TGFBR3: variants seen among roughly 807,000 people sequenced by gnomAD.
TGFBR3 encodes transforming growth factor beta receptor 3.
TGFBR3 carries 46 observed loss-of-function variants against 87.9 expected under a neutral mutation model. The ratio of observed to expected loss-of-function variants is 0.52; its 90% confidence interval spans 0.41 to 0.67. TGFBR3 has a LOEUF of 0.67. Ranked by LOEUF, TGFBR3 falls within the 30% of genes least tolerant of loss-of-function variation. The pLI, the probability that TGFBR3 is intolerant of heterozygous loss-of-function variation, is 0.00. For synonymous variants in TGFBR3, 381 were observed against 391.6 expected (o/e 0.97, Z 0.32); for missense variants, 866 against 1,041.9 (o/e 0.83, Z 2.32).
intron 2 of TGFBR3, among the ~76,000 whole-genome samples, chr1:91,810,403 C>T (rs1271643404): frequency 6.6e-6 from 1 of 152,174 alleles, no homozygotes; most frequent in Non-Finnish European, 1.5e-5. Context: ...TCAGAGGTCC[C>T]TTAAACTGTT....
chr1:91,696,258 T>C (rs551099540), intron 15 of TGFBR3, among the ~76,000 whole-genome samples: 3 of 152,224 alleles, frequency 2.0e-5, no homozygotes, highest in Non-Finnish European at 4.4e-5. Flanking sequence ...ATACACATAT[T>C]TTTGTGAACA....
chr1:91,771,881 C>A (rs1055682254), intron 3 of TGFBR3, among the ~76,000 whole-genome samples: 3 of 151,838 alleles, frequency 2.0e-5, no homozygotes, highest in African/African-American at 7.3e-5. Flanking sequence ...TTGATGGGGG[C>A]AGAGGGACAG....
At chr1:91,835,827 CAAAAAAAAAAAAAAAA>C (rs57326419) in intron 2 of TGFBR3, among the ~76,000 whole-genome samples, 6 of 74,774 alleles carry the variant, frequency 8.0e-5, no homozygotes, top group South Asian at 4.8e-4. Flanking sequence ...GACTCCACCT[CAAAAAAAAAAAAAAAA>C]AAAAAAAAAA....
Position 91,697,751 on chromosome 1 carries a change from A to G in TGFBR3, c.2329+338T>C, listed in dbSNP as rs367923874. Among the ~76,000 whole-genome samples the G allele has an allele frequency of 1.8e-4, 28 of 152,346 alleles. No homozygotes were observed. The East Asian group carries it at 4.4e-3, about 24-fold the overall frequency. On this transcript the variant is annotated intron_variant, in intron 15 of 16. Transcript: ENST00000212355. ...TAAAGCAAACCACTTCCATGGCTGT[A>G]TGTGAATTCTTGCAGGTTAGAGCAG...
At chr1:91,890,123 A>C (rs1205245275), upstream of TGFBR3, among the ~76,000 whole-genome samples, 1 of 152,136 alleles carries the variant, frequency 6.6e-6, no homozygotes, top group Non-Finnish European at 1.5e-5. Flanking sequence ...TTTGTTTGGA[A>C]TTGTTTCAAA....
intron 14 of TGFBR3, among the ~76,000 whole-genome samples, chr1:91,705,225 C>CTT (rs35620891): frequency 0.012 from 1,665 of 135,902 alleles, 21 homozygotes; most frequent in African/African-American, 0.021. Context: ...AGTCTCTTTT[C>CTT]TTTTTTTTTT....
chr1:91,709,348 C>A (rs1239035698), intron 13 of TGFBR3, among the ~76,000 whole-genome samples: 2 of 152,208 alleles, frequency 1.3e-5, no homozygotes. Context: ...CTGGAAAAAT[C>A]ATGTAACACA....
At position 91,683,860 on chromosome 1, in the gene TGFBR3, G is replaced by T. The variant is rs1243934089; in HGVS notation, c.2438-3C>A. The stretch of plus-strand genomic sequence containing the variant: ...TTGCTGCCTTCCTGCTGTCTCCCCT[G>T]CAGTTAATAAAGAAAAGGCAGAGTC... On this transcript the variant is annotated splice_region_variant and splice_polypyrimidine_tract_variant and intron_variant, in intron 16 of 16. Coordinates refer to ENST00000212355, the MANE Select transcript of TGFBR3 (RefSeq NM_003243.5). The T allele has an allele frequency of 6.3e-7, 1 of 1,594,686 alleles. No individual in the cohort carries two copies. The highest frequency in any genetic ancestry group is 8.5e-7 in the Non-Finnish European group (1 of 1,169,960).
chr1:91,849,120 T>A (rs903850210), intron 2 of TGFBR3, among the ~76,000 whole-genome samples: 1 of 152,042 alleles, frequency 6.6e-6, no homozygotes, highest in African/African-American at 2.4e-5. Flanking sequence ...TAATAAGGAG[T>A]CCTGGTCATC....
chr1:91,742,590 A>T (rs1197600761), intron 4 of TGFBR3, among the ~76,000 whole-genome samples: 4 of 152,172 alleles, frequency 2.6e-5, no homozygotes, highest in African/African-American at 9.7e-5. Flanking sequence ...CCACAACCCA[A>T]TGAACTTTCC....
At chr1:91,855,538 G>C (rs1465716549) in intron 2 of TGFBR3, among the ~76,000 whole-genome samples, 1 of 151,892 alleles carries the variant, frequency 6.6e-6, no homozygotes, top group East Asian at 1.9e-4. Context: ...CAGTTGGGAG[G>C]TTGTTTTGTT....
chr1:91,815,509 C>T (rs1450169519), intron 2 of TGFBR3, among the ~76,000 whole-genome samples: 2 of 151,962 alleles, frequency 1.3e-5, no homozygotes, highest in Non-Finnish European at 1.5e-5. Flanking sequence ...CCTCACTACC[C>T]ACTTTACGTT....
At chr1:91,860,275 T>C (rs1678130153) in intron 2 of TGFBR3, among the ~76,000 whole-genome samples, 1 of 152,242 alleles carries the variant, frequency 6.6e-6, no homozygotes, top group African/African-American at 2.4e-5. Context: ...ATTCTTTAAT[T>C]GTTTAGCCCA....
intron 3 of TGFBR3, among the ~76,000 whole-genome samples, chr1:91,783,025 T>C (rs576772954): frequency 1.6e-4 from 25 of 152,194 alleles, no homozygotes; most frequent in Non-Finnish European, 3.5e-4. Flanking sequence ...TGTGTACACA[T>C]GTATCAACAA....
At chr1:91,731,771 T>C (rs1018965661) in intron 5 of TGFBR3, among the ~76,000 whole-genome samples, 32 of 152,204 alleles carry the variant, frequency 2.1e-4, no homozygotes, top group African/African-American at 7.5e-4. Flanking sequence ...GCATATGGTA[T>C]AGGTTTCCTG....
chr1:91,759,217 G>C (rs2100896851), intron 3 of TGFBR3, among the ~76,000 whole-genome samples: 1 of 152,196 alleles, frequency 6.6e-6, no homozygotes, highest in East Asian at 1.9e-4. Context: ...CCTCTATAAA[G>C]TGAAATGGGT....
intron 1 of TGFBR3, among the ~76,000 whole-genome samples, chr1:91,872,471 C>A (rs1208040720): frequency 6.6e-6 from 1 of 152,190 alleles, no homozygotes; most frequent in African/African-American, 2.4e-5. Context: ...TCTCCAATGT[C>A]CTTTTTGCCT....
intron 16 of TGFBR3, among the ~76,000 whole-genome samples, chr1:91,688,704 C>T (rs116636258): frequency 3.2e-4 from 48 of 152,194 alleles, no homozygotes; most frequent in African/African-American, 1.1e-3. Context: ...TTTTCAACAA[C>T]CCTCCATGGA....
At chr1:91,893,324 C>T (rs1679485975) in intron 2 of TGFBR3, among the ~76,000 whole-genome samples, 2 of 151,460 alleles carry the variant, frequency 1.3e-5, no homozygotes, top group East Asian at 1.9e-4. Context: ...TTTGCTCTGT[C>T]GCCAGGCTAC....
Sources: allele counts gnomAD v4.1 joint callset (sites outside exome capture counted in the v4.1 genomes callset), GRCh38; gene constraint gnomAD v4.1.1; transcripts MANE v1.5; gene names NCBI Gene and HGNC (gene_info 2026-07-23, HGNC 2026-07-21).